TFEC: variants seen among roughly 807,000 people sequenced by gnomAD.
TFEC encodes the protein class E basic helix-loop-helix protein 34.
TFEC carries 31 observed loss-of-function variants against 41.6 expected under a neutral mutation model. The observed-to-expected ratio is 0.74, with a 90% CI of 0.56 to 1.01. The LOEUF (loss-of-function observed/expected upper bound fraction) is 1.01. Among genes scored for constraint, TFEC ranks in the 50% least tolerant of loss-of-function variants. The pLI, the probability that TFEC is intolerant of heterozygous loss-of-function variation, is 0.00. For missense variants in TFEC, 402 were observed against 404.1 expected (o/e 0.99, Z 0.04); for synonymous variants, 143 against 140.6 (o/e 1.02, Z -0.12).
At chr7:115,999,383 G>T (rs986320827) in intron 1 of TFEC, among the ~76,000 whole-genome samples, 5 of 151,832 alleles carry the variant, frequency 3.3e-5, no homozygotes, top group Admixed American at 6.6e-5. Flanking sequence ...ACCTAAATGA[G>T]AAAAGTAGAA....
In TFEC at chr7:115,960,320, G is replaced by A. The variant is rs190731060; in HGVS notation, c.268-3527C>T. On this transcript the variant is annotated intron_variant, in intron 3 of 7. Transcript: ENST00000265440. ...AAATGTCATTCACACATGAGGCCAT[G>A]ATAAAATATATTCTTAGGCATACAA... 2.1e-3 allele frequency among the ~76,000 whole-genome samples: 321 copies of A among 151,708 alleles called. 1 individual carries two copies. The highest frequency in any genetic ancestry group is 0.02 in the Middle Eastern group (6 of 294).
intron 6 of TFEC, among the ~76,000 whole-genome samples, chr7:115,947,471 T>C (rs1791657771): frequency 6.6e-6 from 1 of 151,500 alleles, no homozygotes. Context: ...TATTTCTAGT[T>C]CTAGATCCCT....
At chr7:115,962,593 G>T (rs961113637) in intron 3 of TFEC, among the ~76,000 whole-genome samples, 4 of 151,662 alleles carry the variant, frequency 2.6e-5, no homozygotes, top group African/African-American at 7.3e-5. Context: ...AGTGGGGAAA[G>T]GAATTCTTTT....
At chr7:116,135,146 C>T (rs1407974757) in intron 1 of TFEC, among the ~76,000 whole-genome samples, 1 of 151,970 alleles carries the variant, frequency 6.6e-6, no homozygotes, top group Non-Finnish European at 1.5e-5. Flanking sequence ...ACAGAGCCAC[C>T]GTGTACCATT....
intron 1 of TFEC, among the ~76,000 whole-genome samples, chr7:116,008,274 G>A (rs1794875205): frequency 2.0e-5 from 3 of 152,074 alleles, no homozygotes; most frequent in South Asian, 2.1e-4. Context: ...GCAAGAATAC[G>A]AACAGAAATA....
chr7:116,152,306 C>T (rs1449655424), intron 1 of TFEC, among the ~76,000 whole-genome samples: 1 of 152,104 alleles, frequency 6.6e-6, no homozygotes, highest in African/African-American at 2.4e-5. Context: ...AGGGAATAAA[C>T]CCAAGAAGAG....
At chr7:116,078,992 G>GGTT (rs1163104197) in intron 3 of TFEC, among the ~76,000 whole-genome samples, 1 of 151,968 alleles carries the variant, frequency 6.6e-6, no homozygotes, top group Non-Finnish European at 1.5e-5. Context: ...ATGTCAAGTG[G>GGTT]GTTTCATACC....
At chr7:116,156,469 A>G (rs1798872922) in intron 1 of TFEC, among the ~76,000 whole-genome samples, 1 of 152,198 alleles carries the variant, frequency 6.6e-6, no homozygotes, top group Admixed American at 6.5e-5. Context: ...AAAACATAGG[A>G]AAACAAGATA....
rs374955373 is a variant in TFEC, at chr7:115,942,221, T to G, written c.516-181A>C. Among the ~76,000 whole-genome samples, 5 of 152,134 alleles carry G rather than the reference T, an allele frequency of 3.3e-5. 1 individual carries two copies. The highest frequency in any genetic ancestry group is 9.6e-5 in the African/African-American group (4 of 41,550). On this transcript the variant is annotated intron_variant, in intron 6 of 7. Coordinates refer to ENST00000265440, the MANE Select transcript of TFEC (RefSeq NM_012252.4). Reference sequence around the variant, plus strand: ...GTTAAGAAGCCCTTATATAGTAAAATTAATCCCAGAATGAAAATAAGTGTC... The same window carrying G: ...GTTAAGAAGCCCTTATATAGTAAAAGTAATCCCAGAATGAAAATAAGTGTC...
At chr7:116,068,894 G>A (rs1178568480) in intron 3 of TFEC, among the ~76,000 whole-genome samples, 2 of 151,392 alleles carry the variant, frequency 1.3e-5, no homozygotes, top group Admixed American at 1.3e-4. Context: ...AAAATATACA[G>A]AACCTGAACA....
Position 116,059,443 on chromosome 7 carries a change from G to A in TFEC, c.198+51265C>T, listed in dbSNP as rs557651595. ...TTTAAGGATAAAATATACCAATTCC[G>A]TACTCCTCCAGAAAATTAAAAAGGA... On this transcript the variant is annotated intron_variant, in intron 3 of 8. Transcript: ENST00000484212. Among the ~76,000 whole-genome samples, 9 of 151,826 alleles carry A rather than the reference G, an allele frequency of 5.9e-5. 1 individual carries two copies. Among genetic ancestry groups the A allele is most frequent in the East Asian group, 3.9e-4 (2 of 5,180 alleles).
chr7:116,148,387 G>T (rs1232730103), intron 1 of TFEC, among the ~76,000 whole-genome samples: 2 of 152,148 alleles, frequency 1.3e-5, no homozygotes, highest in Admixed American at 6.6e-5. Context: ...AGGAGACATT[G>T]AAGTAATCCA....
chr7:116,147,032 CAT>C (rs1345989297), intron 1 of TFEC, among the ~76,000 whole-genome samples: 2 of 152,036 alleles, frequency 1.3e-5, no homozygotes, highest in Non-Finnish European at 2.9e-5. Flanking sequence ...AACTGCGAGA[CAT>C]ATCTGGATAA....
chr7:116,042,336 T>C (rs553098385), intron 3 of TFEC, among the ~76,000 whole-genome samples: 19 of 152,290 alleles, frequency 1.2e-4, no homozygotes, highest in African/African-American at 4.6e-4. Context: ...ATGGGTTATG[T>C]AGGCTCAGGG....
At chr7:116,096,404 ATT>A (rs1797461590) in intron 3 of TFEC, among the ~76,000 whole-genome samples, 1 of 152,168 alleles carries the variant, frequency 6.6e-6, no homozygotes, top group African/African-American at 2.4e-5. Context: ...ATTAAACTGT[ATT>A]TCTCTCTCCA....
intron 3 of TFEC, among the ~76,000 whole-genome samples, chr7:116,052,130 T>C (rs964085709): frequency 3.3e-5 from 5 of 150,442 alleles, no homozygotes; most frequent in African/African-American, 1.2e-4. Context: ...TTGGTCAAGG[T>C]AGAGACACCA....
chr7:116,156,797 T>TTCATCTCC (rs1342540811), intron 1 of TFEC, among the ~76,000 whole-genome samples: 1 of 152,170 alleles, frequency 6.6e-6, no homozygotes, highest in Non-Finnish European at 1.5e-5. Context: ...CATTCATACC[T>TTCATCTCC]TCATCTCCTC....
At chr7:116,122,174 CCT>C (rs1376606953) in intron 1 of TFEC, among the ~76,000 whole-genome samples, 1 of 152,000 alleles carries the variant, frequency 6.6e-6, no homozygotes, top group Non-Finnish European at 1.5e-5. Context: ...AGATAAGACC[CCT>C]GTTTGCACTT....
At chr7:116,009,738 A>G (rs2130808568) in intron 1 of TFEC, among the ~76,000 whole-genome samples, 1 of 152,262 alleles carries the variant, frequency 6.6e-6, no homozygotes, top group Non-Finnish European at 1.5e-5. Flanking sequence ...TCATTTAACA[A>G]ATATATGCAT....
Sources: gnomAD v4.1 joint callset for allele counts (sites outside exome capture counted in the v4.1 genomes callset) on GRCh38, gnomAD v4.1.1 for gene constraint, MANE v1.5 for transcripts, NCBI Gene and HGNC (gene_info 2026-07-23, HGNC 2026-07-21) for gene names.